Variants in CADM2 observed in about 807,000 individuals in gnomAD.
CADM2 encodes cell adhesion molecule 2.
CADM2 carries 12 observed loss-of-function variants against 49.8 expected under a neutral mutation model. That is an observed-to-expected ratio of 0.24 (90% CI 0.15 to 0.39). The LOEUF is 0.39. CADM2 is among the 10% of genes least tolerant of loss of function. The pLI, the probability that CADM2 is intolerant of heterozygous loss-of-function variation, is 1.00. For missense variants in CADM2, 378 were observed against 492.3 expected (o/e 0.77, Z 2.20); for synonymous variants, 214 against 175.4 (o/e 1.22, Z -1.74).
At chr3:85,190,410 T>C (rs1271936287) in intron 1 of CADM2, among the ~76,000 whole-genome samples, 1 of 152,154 alleles carries the variant, frequency 6.6e-6, no homozygotes, top group African/African-American at 2.4e-5. Context: ...TTCTCATTCA[T>C]CTTAAATGAG....
At chr3:85,297,324 G>T (rs1255403927) in intron 1 of CADM2, among the ~76,000 whole-genome samples, 3 of 152,046 alleles carry the variant, frequency 2.0e-5, no homozygotes, top group Non-Finnish European at 2.9e-5. Context: ...AGCATTTGAA[G>T]GGTAGAGTGA....
At chr3:85,233,100 C>A (rs886933497) in intron 1 of CADM2, among the ~76,000 whole-genome samples, 1 of 151,950 alleles carries the variant, frequency 6.6e-6, no homozygotes, top group Non-Finnish European at 1.5e-5. Context: ...CATGGGAAAA[C>A]CTTAACTGCA....
chr3:85,552,181 G>C (rs1408804559), intron 1 of CADM2, among the ~76,000 whole-genome samples: 1 of 152,026 alleles, frequency 6.6e-6, no homozygotes, highest in African/African-American at 2.4e-5. Flanking sequence ...ATTTAAGGCT[G>C]ATAGAACTGA....
chr3:85,153,225 C>A (rs980146096), intron 1 of CADM2, among the ~76,000 whole-genome samples: 4 of 152,074 alleles, frequency 2.6e-5, no homozygotes, highest in Admixed American at 6.5e-5. Flanking sequence ...TCAGTGGGTG[C>A]GCGCACCCTG....
intron 1 of CADM2, among the ~76,000 whole-genome samples, chr3:85,073,811 C>T (rs138411436): frequency 5.9e-5 from 9 of 151,968 alleles, no homozygotes; most frequent in South Asian, 2.1e-4. Context: ...TCAATTTGGG[C>T]GCAAAATTTT....
At chr3:85,826,935 CT>C (rs1389723874) in intron 3 of CADM2, among the ~76,000 whole-genome samples, 2 of 151,880 alleles carry the variant, frequency 1.3e-5, no homozygotes, top group African/African-American at 4.8e-5. Context: ...AGATATAATG[CT>C]GTTACATTCT....
intron 2 of CADM2, among the ~76,000 whole-genome samples, chr3:85,772,008 CTTTTTTTTTT>C (rs397938377): frequency 8.9e-6 from 1 of 112,222 alleles, no homozygotes; most frequent in Non-Finnish European, 1.9e-5. Flanking sequence ...TTCTTTCTTT[CTTTTTTTTTT>C]TTTTTTTTTT....
At position 85,614,506 on chromosome 3, in the gene CADM2, C is replaced by T. The variant is rs150981152; in HGVS notation, c.62-112016C>T. 8.7e-3 allele frequency among the ~76,000 whole-genome samples: 1,322 copies of T among 151,780 alleles called. 18 individuals carry two copies. Among genetic ancestry groups the T allele is most frequent in the African/African-American group, 0.031 (1,274 of 41,450 alleles). On this transcript the variant is annotated intron_variant, in intron 1 of 9. Transcript: ENST00000383699. ...TAGTCCTTAAGTAATCCAAGTTGGT[C>T]GGCCAAATAACGAAGCTTAAGATAA...
chr3:85,985,821 G>T (rs1482865531), intron 8 of CADM2, among the ~76,000 whole-genome samples: 3 of 151,858 alleles, frequency 2.0e-5, no homozygotes, highest in African/African-American at 7.2e-5. Context: ...TATATAAATT[G>T]AAAATAAAAC....
intron 1 of CADM2, among the ~76,000 whole-genome samples, chr3:85,059,593 G>T (rs1490105427): frequency 6.6e-6 from 1 of 152,082 alleles, no homozygotes; most frequent in African/African-American, 2.4e-5. Context: ...CATATGTTGT[G>T]GGAGGAACCC....
At chr3:86,029,394 A>G (rs760665579) in intron 8 of CADM2, among the ~76,000 whole-genome samples, 2 of 152,098 alleles carry the variant, frequency 1.3e-5, no homozygotes, top group Non-Finnish European at 2.9e-5. Flanking sequence ...AGTTGATAGT[A>G]CATGAATGAT....
At chr3:84,998,719 G>A (rs1452612200) in intron 1 of CADM2, among the ~76,000 whole-genome samples, 2 of 152,056 alleles carry the variant, frequency 1.3e-5, no homozygotes, top group African/African-American at 4.8e-5. Flanking sequence ...GACGTTTCCA[G>A]GAATGGACAC....
intron 8 of CADM2, among the ~76,000 whole-genome samples, chr3:86,045,517 A>G (rs899061493): frequency 9.2e-5 from 14 of 152,182 alleles, no homozygotes; most frequent in Non-Finnish European, 8.8e-5. Flanking sequence ...ATATGTTACC[A>G]TGTGCTGTGA....
intron 1 of CADM2, among the ~76,000 whole-genome samples, chr3:85,687,810 T>A (rs979127600): frequency 6.6e-6 from 1 of 152,194 alleles, no homozygotes; most frequent in African/African-American, 2.4e-5. Context: ...CTGCTTGCCA[T>A]GGACCAGTAC....
intron 8 of CADM2, among the ~76,000 whole-genome samples, chr3:85,985,679 T>A (rs1024454806): frequency 1.3e-5 from 2 of 152,014 alleles, no homozygotes; most frequent in Admixed American, 6.6e-5. Flanking sequence ...AATTTAGGGA[T>A]CTGTTTGTAT....
chr3:85,990,900 A>AC, intron 8 of CADM2, among the ~76,000 whole-genome samples: 1 of 152,180 alleles, frequency 6.6e-6, no homozygotes, highest in South Asian at 2.1e-4. Context: ...CATTATGCCA[A>AC]CCCCCCAAAA....
chr3:85,260,996 T>G (rs1382283345), intron 1 of CADM2, among the ~76,000 whole-genome samples: 3 of 152,078 alleles, frequency 2.0e-5, no homozygotes, highest in Admixed American at 1.3e-4. Flanking sequence ...TAGTTGTGAT[T>G]TTTTTCATTT....
chr3:85,459,774 A>T (rs932872329), intron 1 of CADM2, among the ~76,000 whole-genome samples: 2 of 152,210 alleles, frequency 1.3e-5, no homozygotes, highest in Non-Finnish European at 1.5e-5. Flanking sequence ...AGCGAGACTA[A>T]AAAGCATGTT....
At chr3:85,539,304 A>T (rs1222709019) in intron 1 of CADM2, among the ~76,000 whole-genome samples, 1 of 152,110 alleles carries the variant, frequency 6.6e-6, no homozygotes, top group Non-Finnish European at 1.5e-5. Context: ...TTATATCAGT[A>T]AAATAAAATA....
Sources: gnomAD v4.1 joint callset for allele counts (sites outside exome capture counted in the v4.1 genomes callset) on GRCh38, gnomAD v4.1.1 for gene constraint, MANE v1.5 for transcripts, NCBI Gene and HGNC (gene_info 2026-07-23, HGNC 2026-07-21) for gene names.